RPL35: variants seen among roughly 807,000 people sequenced by gnomAD.
RPL35 encodes the protein ribosomal protein L35.
Under a neutral mutation model 15.6 loss-of-function variants are expected in RPL35, and 2 were observed. The ratio of observed to expected loss-of-function variants is 0.13; its 90% CI spans 0.05 to 0.40. The LOEUF is 0.40. RPL35 is among the 10% of genes least tolerant of loss of function. The pLI is 0.99. For synonymous variants in RPL35, 93 were observed against 67.9 expected, an observed-to-expected ratio of 1.37 and a Z score of -1.82; for missense variants, 111 against 164.7, an observed-to-expected ratio of 0.67 and a Z score of 1.79.
intron 1 of RPL35, 30 bp downstream of exon 1, chr9:124,861,880 T>C (rs1588038210): frequency 1.2e-6 from 2 of 1,601,970 alleles, no homozygotes; most frequent in South Asian, 1.1e-5. Context: ...CTCACAGCGC[T>C]CGGATGGCGC....
chr9:124,861,668 C>A, intron 1 of RPL35, 113 bp from the exon 2 acceptor site: 2 of 1,481,886 alleles, frequency 1.3e-6, no homozygotes, highest in East Asian at 2.3e-5. Flanking sequence ...TGCGCCGGAG[C>A]CCCAACCAGG....
At chr9:124,861,809 G>T in intron 1 of RPL35, 101 bp downstream of exon 1, 1 of 1,491,632 alleles carries the variant, frequency 6.7e-7, no homozygotes, top group Non-Finnish European at 9.0e-7. Flanking sequence ...GCGCCCCACA[G>T]GCCTAGGTGG....
intron 1 of RPL35, 57 bp from the exon 2 acceptor site, chr9:124,861,612 T>A: frequency 1.3e-6 from 2 of 1,587,934 alleles, no homozygotes; most frequent in South Asian, 1.1e-5. Context: ...CCCCTTCACC[T>A]GCGTGGCCAG....
chr9:124,861,870 C>T (rs1829203781), intron 1 of RPL35, 40 bp downstream of exon 1: 1 of 1,601,280 alleles, frequency 6.2e-7, no homozygotes, highest in African/African-American at 1.3e-5. Flanking sequence ...ACCCCCGCGC[C>T]TCACAGCGCT....
In RPL35 at chr9:124,861,949, G is replaced by A. The variant is rs752476248; in HGVS notation, c.-37C>T. 11 of 1,595,876 alleles carry A rather than the reference G, an allele frequency of 6.9e-6. No homozygotes were observed. Among genetic ancestry groups the A allele is most frequent in the African/African-American group, 5.4e-5 (4 of 74,046 alleles). ...CCGCCAACGCCGCCGCCCGCTCCGA[G>A]GGAAAGAGGAAGTAGGCGGGGCTGA... On this transcript the variant is annotated 5_prime_UTR_variant, in exon 1 of 4. Coordinates refer to ENST00000348462, the MANE Select transcript of RPL35 (RefSeq NM_007209.4).
chr9:124,860,577 A>G (rs1829181770), intron 2 of RPL35, among the ~76,000 whole-genome samples: 1 of 152,260 alleles, frequency 6.6e-6, no homozygotes, highest in Non-Finnish European at 1.5e-5. Context: ...ATGGGAAGGA[A>G]TCATGCCACA....
intron 3 of RPL35, 87 bp from the exon 4 acceptor site, chr9:124,858,154 A>T: frequency 7.0e-7 from 1 of 1,420,428 alleles, no homozygotes; most frequent in Non-Finnish European, 9.6e-7. Flanking sequence ...GGCCATCCAG[A>T]GCCACTCAGG....
intron 3 of RPL35, 56 bp downstream of exon 3, chr9:124,860,127 G>A: frequency 7.6e-7 from 1 of 1,309,270 alleles, no homozygotes; most frequent in Admixed American, 1.7e-5. Context: ...CCCGGCCAGG[G>A]ACGGCTAGCA....
chr9:124,860,158 C>G, intron 3 of RPL35, 25 bp downstream of exon 3: 1 of 1,582,792 alleles, frequency 6.3e-7, no homozygotes, highest in Non-Finnish European at 8.7e-7. Context: ...TGCAGCCAAC[C>G]CTCCCTATGT....
Position 124,857,987 on chromosome 9 carries a change from G to A in RPL35, c.303C>T (p.Asn101=), listed in dbSNP as rs1443023911. 5.6e-6 allele frequency: 9 copies of A among 1,612,124 alleles called. No homozygotes were observed. The highest frequency in any genetic ancestry group is 7.6e-6 in the Non-Finnish European group (9 of 1,180,042). The stretch of plus-strand genomic sequence containing the variant: ...TCCGCTGCTGCTTCTTGGTCTTCAG[G>A]TTCTCCTCGTGCTTGTTGAGCCGGC... ...MRRRLNKHEE[N]LKTKKQQRKE... Residue 101 remains asparagine, a synonymous_variant, in exon 4 of 4, where the codon AAC becomes AAT. Coordinates refer to ENST00000348462, the MANE Select transcript of RPL35 (RefSeq NM_007209.4).
intron 1 of RPL35, 151 bp downstream of exon 1, chr9:124,861,759 C>T (rs1829201646): frequency 7.4e-7 from 1 of 1,344,926 alleles, no homozygotes; most frequent in Non-Finnish European, 1.0e-6. Flanking sequence ...CGGCGCCAAG[C>T]GAAGAGGCGG....
intron 3 of RPL35, 77 bp from the exon 4 acceptor site, chr9:124,858,144 G>T: frequency 6.6e-7 from 1 of 1,506,814 alleles, no homozygotes. Flanking sequence ...GGCTGGGGAG[G>T]GCCATCCAGA....
In RPL35 at chr9:124,858,019, T is replaced by C. The variant is rs975667657; in HGVS notation, c.271A>G (p.Met91Val). 6.8e-6 allele frequency: 11 copies of C among 1,612,314 alleles called. No individual in the cohort carries two copies. Among genetic ancestry groups the C allele is most frequent in the African/African-American group, 5.3e-5 (4 of 74,868 alleles). Residue 91 changes from methionine (M) to valine (V), a missense_variant, in exon 4 of 4, where the codon ATG becomes GTG. By Grantham distance (21) the Met-to-Val change is conservative (BLOSUM62 1). Transcript: ENST00000348462. ...LDLRPKKTRA[M>V]RRRLNKHEEN... ...TCGTGCTTGTTGAGCCGGCGGCGCA[T>C]GGCACGTGTCTTCTTAGGCCGCAGG...
In RPL35 at chr9:124,859,290, G is replaced by A. The variant is rs559636361; in HGVS notation, c.222+893C>T. On this transcript the variant is annotated intron_variant, in intron 3 of 3. Transcript: ENST00000348462. ...CCAGTAGCTGGGGTTATAGGCCTGT[G>A]GCACTTCATCAGCCATGGCTGCTTT... 5.3e-5 allele frequency among the ~76,000 whole-genome samples: 8 copies of A among 152,308 alleles called. No individual in the cohort carries two copies. In the South Asian group the frequency reaches 8.3e-4, roughly 16 times the overall value.
chr9:124,860,400 G>T, intron 2 of RPL35, 136 bp from the exon 3 acceptor site: 1 of 738,538 alleles, frequency 1.4e-6, no homozygotes. Context: ...AAGGCGTTCT[G>T]GGAGTGAGGT....
chr9:124,861,833 CG>C (rs1484529367), intron 1 of RPL35, 76 bp downstream of exon 1: 3 of 1,559,514 alleles, frequency 1.9e-6, no homozygotes, highest in Non-Finnish European at 2.6e-6. Context: ...ATAGAATCCG[CG>C]GGCTCAGCCC....
intron 3 of RPL35, 76 bp downstream of exon 3, chr9:124,860,107 T>C: frequency 9.0e-7 from 1 of 1,116,902 alleles, no homozygotes; most frequent in Non-Finnish European, 1.4e-6. Flanking sequence ...AAAAACCTCT[T>C]TACCATGTCC....
Position 124,860,240 on chromosome 9 carries a change from G to C in RPL35, c.165C>G (p.Ala55=), listed in dbSNP as rs370629430. ...TCTGGTTAATAACTGTGAGAACACG[G>C]GCAATGGATTTCCGGACGACTCGGC... ...SKIRVVRKSI[A]RVLTVINQTQ... Residue 55 remains alanine, a synonymous_variant, in exon 3 of 4, where the codon GCC becomes GCG. Coordinates refer to ENST00000348462, the MANE Select transcript of RPL35 (RefSeq NM_007209.4). 4 of 1,614,114 alleles carry C rather than the reference G, an allele frequency of 2.5e-6. No individual in the cohort carries two copies. Among genetic ancestry groups the C allele is most frequent in the Non-Finnish European group, 2.5e-6 (3 of 1,179,946 alleles).
intron 3 of RPL35, chr9:124,858,441 G>T (rs1380421223): frequency 4.2e-6 from 3 of 714,588 alleles, no homozygotes; most frequent in African/African-American, 1.7e-5. Context: ...CCAAGCCCCG[G>T]GGGTAGTTAC....
Sources: gnomAD v4.1 joint callset for allele counts (sites outside exome capture counted in the v4.1 genomes callset) on GRCh38, gnomAD v4.1.1 for gene constraint, MANE v1.5 for transcripts, NCBI Gene and HGNC (gene_info 2026-07-23, HGNC 2026-07-21) for gene names.